CCDC66: variants seen among roughly 807,000 people sequenced by gnomAD.
The protein encoded by CCDC66 is coiled-coil domain containing 66, also known as coiled-coil domain-containing protein 66.
CCDC66 carries 133 observed loss-of-function variants against 128.3 expected under a neutral mutation model. That is an observed-to-expected ratio of 1.04 (90% confidence interval 0.90 to 1.20). The LOEUF is 1.20. Among genes scored for constraint, CCDC66 ranks in the 50% most tolerant of loss-of-function variants. The pLI, the probability that CCDC66 is intolerant of heterozygous loss-of-function variation, is 0.00. For missense variants in CCDC66, 1,126 were observed against 1,075.5 expected, an observed-to-expected ratio of 1.05 and a Z score of -0.66; for synonymous variants, 387 against 357.0, an observed-to-expected ratio of 1.08 and a Z score of -0.95.
Position 56,584,998 on chromosome 3 carries a change from G to A in CCDC66, c.937-7972G>A, listed in dbSNP as rs570708975. Among the ~76,000 whole-genome samples, 270 of 151,736 alleles carry A rather than the reference G, an allele frequency of 1.8e-3. 2 individuals carry two copies. Among genetic ancestry groups the A allele is most frequent in the African/African-American group, 5.6e-3 (231 of 41,446 alleles). On this transcript the variant is annotated intron_variant, in intron 7 of 17. Transcript: ENST00000394672. ...TCGCAGGCACTCGGCAGGCTGAGGC[G>A]GGAGAATCAGGCAGGGAGGTTGCAG...
At position 56,616,030 on chromosome 3, in the gene CCDC66, A is replaced by C. The variant is rs78390431; in HGVS notation, c.1820A>C (p.Lys607Thr). ...MNTYMNSTTSKKDTGVQTDDL... is the reference protein window; with the variant it reads ...MNTYMNSTTSTKDTGVQTDDL... Reference sequence around the variant, plus strand: ...ACATATATGAATTCTACGACTTCTAAGAAGGATACTGGTGTGCAAACAGGT... The same window carrying C: ...ACATATATGAATTCTACGACTTCTACGAAGGATACTGGTGTGCAAACAGGT... The change falls in exon 13 of 18, where the codon AAG becomes ACG. Residue 607 changes from lysine to threonine, a missense_variant. Coordinates refer to ENST00000394672, the MANE Select transcript of CCDC66 (RefSeq NM_001141947.3). 14 of 1,365,830 alleles carry C rather than the reference A, an allele frequency of 1.0e-5. No individual in the cohort carries two copies. In the South Asian group the frequency reaches 1.2e-4, roughly 12 times the overall value. The allele number at this position is 1,365,830 out of a possible 1,614,324, so 84.6% of individuals were successfully genotyped here. A position where few individuals can be genotyped will look rare whatever the true frequency, so the allele number is the denominator to read the frequency against.
chr3:56,590,354 G>T (rs1425021979), intron 7 of CCDC66, among the ~76,000 whole-genome samples: 1 of 152,176 alleles, frequency 6.6e-6, no homozygotes, highest in Non-Finnish European at 1.5e-5. Flanking sequence ...TTTGAATCAG[G>T]AGTGAGACTA....
intron 10 of CCDC66, among the ~76,000 whole-genome samples, chr3:56,596,433 G>GTAAGTATTTGGGTTTA (rs1385624566): frequency 2.7e-5 from 4 of 149,896 alleles, no homozygotes; most frequent in African/African-American, 9.8e-5. Flanking sequence ...TTTAGTTTGA[G>GTAAGTATTTGGGTTTA]TTTCTTAGGC....
intron 10 of CCDC66, among the ~76,000 whole-genome samples, chr3:56,602,436 TTTG>T (rs927446275): frequency 2.6e-5 from 4 of 151,958 alleles, no homozygotes; most frequent in Non-Finnish European, 4.4e-5. Flanking sequence ...ATTCTCTTTT[TTTG>T]TTGTTGTTGT....
intron 11 of CCDC66, among the ~76,000 whole-genome samples, chr3:56,614,628 G>A (rs1029998761): frequency 1.3e-5 from 2 of 152,152 alleles, no homozygotes; most frequent in African/African-American, 2.4e-5. Context: ...AAGTTTTAAA[G>A]TGTAGAGCAC....
At chr3:56,567,738 G>T (rs1430267393) in intron 6 of CCDC66, among the ~76,000 whole-genome samples, 1 of 151,990 alleles carries the variant, frequency 6.6e-6, no homozygotes, top group Non-Finnish European at 1.5e-5. Flanking sequence ...TGTTGCCCAG[G>T]CTGGAGTACA....
intron 3 of CCDC66, among the ~76,000 whole-genome samples, chr3:56,562,368 T>C (rs908513837): frequency 2.0e-5 from 3 of 152,298 alleles, no homozygotes; most frequent in African/African-American, 7.2e-5. Flanking sequence ...ATTTTTATTT[T>C]TCTTCAATCT....
intron 10 of CCDC66, among the ~76,000 whole-genome samples, chr3:56,594,605 C>T (rs1481316792): frequency 1.3e-5 from 2 of 151,886 alleles, no homozygotes; most frequent in African/African-American, 4.8e-5. Flanking sequence ...ATGGCATGAA[C>T]CTGGGAGGCA....
At chr3:56,567,982 G>A (rs1051694768) in intron 6 of CCDC66, among the ~76,000 whole-genome samples, 4 of 152,124 alleles carry the variant, frequency 2.6e-5, no homozygotes, top group East Asian at 1.9e-4. Context: ...GAGCCACCAC[G>A]CCCGGCCAAA....
intron 14 of CCDC66, 111 bp downstream of exon 14, chr3:56,617,716 G>A: frequency 7.3e-7 from 1 of 1,363,182 alleles, no homozygotes; most frequent in Non-Finnish European, 9.9e-7. Context: ...TTACATTAGG[G>A]ATCAGCAAAC....
chr3:56,620,381 G>GTGAC (rs1464833317), intron 17 of CCDC66: 5 of 152,886 alleles, frequency 3.3e-5, no homozygotes, highest in African/African-American at 9.7e-5. Flanking sequence ...CCAAACTATT[G>GTGAC]TGACTTCTTT....
chr3:56,619,361 G>T lies in CCDC66; in HGVS notation c.2469G>T (p.Glu823Asp). 6.2e-7 allele frequency: 1 copy of T among 1,613,724 alleles called. No individual in the cohort carries two copies. The change falls in exon 16 of 18, where the codon GAG becomes GAT. Residue 823 changes from glutamate (E) to aspartate (D), a missense_variant. Transcript: ENST00000394672. ...LHLPLKNSSY[E>D]RENLISGSNQ... Reference sequence around the variant, plus strand: ...TACCACTAAAAAACAGTAGCTATGAGAGAGAGAATTTGATCTCAGGAAGTA... The same window carrying T: ...TACCACTAAAAAACAGTAGCTATGATAGAGAGAATTTGATCTCAGGAAGTA...
At chr3:56,603,038 T>A (rs1404609940) in intron 10 of CCDC66, among the ~76,000 whole-genome samples, 1 of 151,836 alleles carries the variant, frequency 6.6e-6, no homozygotes, top group Non-Finnish European at 1.5e-5. Flanking sequence ...GGTTTCACCG[T>A]GTTAGCCAGG....
At chr3:56,584,279 C>T (rs2069112757) in intron 7 of CCDC66, among the ~76,000 whole-genome samples, 5 of 147,732 alleles carry the variant, frequency 3.4e-5, no homozygotes, top group Non-Finnish European at 7.5e-5. Context: ...GGCGGAGGGG[C>T]TCCTCACTTC....
intron 7 of CCDC66, among the ~76,000 whole-genome samples, chr3:56,580,774 G>A (rs1207003474): frequency 6.6e-6 from 1 of 151,880 alleles, no homozygotes; most frequent in Non-Finnish European, 1.5e-5. Context: ...TCTGCTTAGG[G>A]ATCCACTGTT....
intron 7 of CCDC66, among the ~76,000 whole-genome samples, chr3:56,590,615 C>T (rs1316049349): frequency 6.6e-6 from 1 of 151,790 alleles, no homozygotes; most frequent in African/African-American, 2.4e-5. Context: ...TAAAAATAGC[C>T]GGGTGTGGTG....
At chr3:56,615,367 G>A in intron 12 of CCDC66, 95 bp downstream of exon 12, 1 of 1,276,386 alleles carries the variant, frequency 7.8e-7, no homozygotes, top group South Asian at 1.6e-5. Context: ...GACTCATTCT[G>A]TTGCACAGGC....
At chr3:56,572,989 G>C (rs185649853) in intron 7 of CCDC66, 1 of 152,184 alleles carries the variant, frequency 6.6e-6, no homozygotes, top group Non-Finnish European at 1.5e-5. Context: ...ACCGTTAAAA[G>C]TTGTAGCTAA....
chr3:56,607,451 G>A (rs1455641115), intron 10 of CCDC66, among the ~76,000 whole-genome samples: 2 of 152,088 alleles, frequency 1.3e-5, no homozygotes, highest in Admixed American at 1.3e-4. Flanking sequence ...GTCGCTGTTG[G>A]TATATAGAAG....
Sources: gnomAD v4.1 joint callset for allele counts (sites outside exome capture counted in the v4.1 genomes callset) on GRCh38, gnomAD v4.1.1 for gene constraint, MANE v1.5 for transcripts, NCBI Gene and HGNC (gene_info 2026-07-23, HGNC 2026-07-21) for gene names.